PCDHA13: variants seen among roughly 807,000 people sequenced by gnomAD.
The protein encoded by PCDHA13 is protocadherin alpha 13.
PCDHA13 carries 54 observed loss-of-function variants against 64.8 expected under a neutral mutation model. That is an observed-to-expected ratio of 0.83 (90% CI 0.67 to 1.04). The LOEUF (loss-of-function observed/expected upper bound fraction) is 1.04, where lower values mean the gene tolerates loss of function less well. Among genes scored for constraint, PCDHA13 ranks in the 50% least tolerant of loss-of-function variants. The probability of loss-of-function intolerance (pLI) is 0.00; values close to 1 mark genes in which losing one functional copy is unlikely to be tolerated. For synonymous variants in PCDHA13, 587 were observed against 564.4 expected, an observed-to-expected ratio of 1.04 and a Z score of -0.57; for missense variants, 1,248 against 1,254.3, an observed-to-expected ratio of 0.99 and a Z score of 0.08.
At chr5:140,903,269 G>A (rs1251669520) in intron 1 of PCDHA13, among the ~76,000 whole-genome samples, 4 of 152,140 alleles carry the variant, frequency 2.6e-5, no homozygotes, top group African/African-American at 4.8e-5. Context: ...CAGGAGTGAG[G>A]TAGTGTCTCA....
chr5:140,900,416 T>G (rs1303205296), intron 1 of PCDHA13, among the ~76,000 whole-genome samples: 8 of 152,220 alleles, frequency 5.3e-5, no homozygotes, highest in Admixed American at 5.2e-4. Flanking sequence ...TAGCTGGGAT[T>G]ATAGGCACGT....
intron 1 of PCDHA13, among the ~76,000 whole-genome samples, chr5:140,935,686 C>T (rs943427521): frequency 3.3e-5 from 5 of 152,108 alleles, no homozygotes; most frequent in Non-Finnish European, 7.4e-5. Flanking sequence ...ATTTACATGG[C>T]TCCAAAATAA....
chr5:140,883,211 T>C lies in PCDHA13; in HGVS notation c.943T>C (p.Leu315=). 1 of 1,613,738 alleles carries C rather than the reference T, an allele frequency of 6.2e-7. No individual in the cohort carries two copies. Among genetic ancestry groups the C allele is most frequent in the Non-Finnish European group, 8.5e-7 (1 of 1,179,958 alleles). The change falls in exon 1 of 4, where the codon TTA becomes CTA. Residue 315 remains leucine, a synonymous_variant. Transcript: ENST00000289272. The part of the protein sequence containing the change: ...KGKLDFEEKK[L]YEISVEAVDK... Reference sequence around the variant, plus strand: ...CAAACTAGATTTCGAAGAAAAGAAATTATATGAAATATCCGTGGAGGCAGT... The same window carrying C: ...CAAACTAGATTTCGAAGAAAAGAAACTATATGAAATATCCGTGGAGGCAGT...
rs782119019 is a variant in PCDHA13, at chr5:140,884,055, C to T, written c.1787C>T (p.Ala596Val). 2.2e-5 allele frequency: 36 copies of T among 1,613,356 alleles called. No homozygotes were observed. The highest frequency in any genetic ancestry group is 1.7e-6 in the Non-Finnish European group (2 of 1,179,740). The change falls in exon 1 of 4, where the codon GCG becomes GTG. Residue 596 changes from alanine (A) to valine (V), a missense_variant. Coordinates refer to ENST00000289272, the MANE Select transcript of PCDHA13 (RefSeq NM_018904.3). ...GAGHVVAKVR[A>V]VDADSGYNAW... ...GGCCACGTGGTGGCGAAGGTGCGCG[C>T]GGTGGACGCCGATTCGGGCTACAAT...
rs73793515 is a variant in PCDHA13 at position 140,889,833 on chromosome 5, T to C, written c.2394+5171T>C. ...TCAGGTCATAAGAAGTCTTACAGTA[T>C]GCTTTGGTCTCTGAGAATATTTGTT... On this transcript the variant is annotated intron_variant, in intron 1 of 3. Coordinates refer to ENST00000289272, the MANE Select transcript of PCDHA13 (RefSeq NM_018904.3). Among the ~76,000 whole-genome samples, 1,245 of 152,254 alleles carry C rather than the reference T, an allele frequency of 8.2e-3. 11 individuals are homozygous for C. The highest frequency in any genetic ancestry group is 0.029 in the African/African-American group (1,203 of 41,548).
intron 1 of PCDHA13, among the ~76,000 whole-genome samples, chr5:140,945,351 A>C (rs1368185977): frequency 6.6e-6 from 1 of 152,138 alleles, no homozygotes; most frequent in Admixed American, 6.5e-5. Flanking sequence ...GGAAAAATTA[A>C]TACTGTTTAA....
intron 1 of PCDHA13, among the ~76,000 whole-genome samples, chr5:140,945,169 AAAAT>A (rs1302154201): frequency 2.0e-5 from 3 of 152,164 alleles, no homozygotes; most frequent in Non-Finnish European, 4.4e-5. Context: ...AACTATCTGA[AAAAT>A]AAATCAAGAA....
intron 3 of PCDHA13, among the ~76,000 whole-genome samples, chr5:140,995,010 T>A (rs1382186138): frequency 6.6e-6 from 1 of 152,156 alleles, no homozygotes; most frequent in Non-Finnish European, 1.5e-5. Context: ...TTGTTTATAT[T>A]TAGGAAAGAA....
intron 1 of PCDHA13, among the ~76,000 whole-genome samples, chr5:140,892,881 A>G (rs1562868071): frequency 6.6e-6 from 1 of 152,120 alleles, no homozygotes. Context: ...TTTCGTATCC[A>G]TTAACCAACC....
rs371718634 is a variant in PCDHA13, at chr5:140,884,469, C to G, written c.2201C>G (p.Pro734Arg). ...SAPPTEGACAPGKPTLVCSSA... is the reference protein window; with the variant it reads ...SAPPTEGACARGKPTLVCSSA... ...CCGCCCACCGAGGGCGCGTGCGCGCCGGGCAAGCCCACTCTAGTGTGCTCC... is the reference window on the plus strand; with the variant it reads ...CCGCCCACCGAGGGCGCGTGCGCGCGGGGCAAGCCCACTCTAGTGTGCTCC... Residue 734 changes from proline to arginine, a missense_variant, in exon 1 of 4, where the codon CCG becomes CGG. Pro to Arg is a moderately radical substitution (Grantham distance 103, BLOSUM62 -2). Coordinates refer to ENST00000289272, the MANE Select transcript of PCDHA13 (RefSeq NM_018904.3). 7.7e-5 allele frequency: 124 copies of G among 1,613,648 alleles called. 1 individual carries two copies. The highest frequency in any genetic ancestry group is 9.6e-5 in the Non-Finnish European group (113 of 1,179,828).
intron 1 of PCDHA13, chr5:140,929,602 A>G: frequency 2.4e-6 from 1 of 417,610 alleles, no homozygotes; most frequent in Non-Finnish European, 4.3e-6. Flanking sequence ...CTAAAATTAA[A>G]AATAAAATAC....
intron 1 of PCDHA13, among the ~76,000 whole-genome samples, chr5:140,939,868 T>C (rs868982739): frequency 2.6e-5 from 4 of 152,340 alleles, no homozygotes; most frequent in Middle Eastern, 6.8e-3. Flanking sequence ...CATTAGGTCA[T>C]CTTTGCTAGT....
chr5:140,885,965 A>C (rs2060792569), intron 1 of PCDHA13, among the ~76,000 whole-genome samples: 1 of 152,070 alleles, frequency 6.6e-6, no homozygotes, highest in African/African-American at 2.4e-5. Context: ...TTTTATTTTG[A>C]GATAATTATA....
In PCDHA13 at chr5:140,927,075, C is replaced by T. The variant is rs1304732952; in HGVS notation, c.2394+42413C>T. On this transcript the variant is annotated intron_variant, in intron 1 of 3. Transcript: ENST00000289272. ...GGAACTTTCGCTTCCTTTCCAGCCA[C>T]CGCGAGCTCTACTTCGGGGTGGATC... 2.5e-6 allele frequency: 4 copies of T among 1,611,188 alleles called. No homozygotes were observed. In the Admixed American group the frequency reaches 5.0e-5, roughly 20 times the overall value.
At chr5:140,885,050 C>T (rs1183142093) in intron 1 of PCDHA13, among the ~76,000 whole-genome samples, 3 of 152,164 alleles carry the variant, frequency 2.0e-5, no homozygotes, top group African/African-American at 7.2e-5. Context: ...TTAATGTATA[C>T]ATATACCCAC....
intron 1 of PCDHA13, among the ~76,000 whole-genome samples, chr5:140,971,538 C>T (rs1162304462): frequency 6.6e-6 from 1 of 152,122 alleles, no homozygotes; most frequent in African/African-American, 2.4e-5. Flanking sequence ...GTCATCATTG[C>T]CAGATCAACC....
At chr5:140,966,835 G>A in intron 1 of PCDHA13, 10 of 1,564,886 alleles carry the variant, frequency 6.4e-6, no homozygotes, top group Non-Finnish European at 7.8e-6. Flanking sequence ...TGCCCTGGCT[G>A]CTGCTACTGC....
rs781992926 is a variant in PCDHA13 at position 140,990,008 on chromosome 5, G to A, written c.2542+7445G>A. On this transcript the variant is annotated intron_variant, in intron 3 of 3. Coordinates refer to ENST00000289272, the MANE Select transcript of PCDHA13 (RefSeq NM_018904.3). ...CCTGAAATTGTCTATCTCCAAGGGCGTGGGCTAGGCAAAGGATGGGAGAAG... is the reference window on the plus strand; with the variant it reads ...CCTGAAATTGTCTATCTCCAAGGGCATGGGCTAGGCAAAGGATGGGAGAAG... Among the ~76,000 whole-genome samples the A allele has an allele frequency of 2.8e-4, 43 of 152,230 alleles. 1 individual carries two copies. The highest frequency in any genetic ancestry group is 9.1e-4 in the African/African-American group (38 of 41,532).
intron 1 of PCDHA13, among the ~76,000 whole-genome samples, chr5:140,895,848 G>T (rs147299280): frequency 6.6e-6 from 1 of 151,982 alleles, no homozygotes; most frequent in Non-Finnish European, 1.5e-5. Flanking sequence ...TCTCACTCTT[G>T]TACCCCAGGC....
Sources: allele counts gnomAD v4.1 joint callset (sites outside exome capture counted in the v4.1 genomes callset), GRCh38; gene constraint gnomAD v4.1.1; transcripts MANE v1.5; gene names NCBI Gene and HGNC (gene_info 2026-07-23, HGNC 2026-07-21).